The following KIRREL3 variants were observed in gnomAD, a reference collection of about 807,000 sequenced individuals.
KIRREL3 encodes the protein kin of IRRE-like protein 3.
A neutral mutation model predicts 89.7 loss-of-function variants in KIRREL3; 36 were observed. The observed-to-expected ratio is 0.40, with a 90% confidence interval of 0.31 to 0.53. The LOEUF is 0.53. KIRREL3 is among the 20% of genes least tolerant of loss of function. The probability of loss-of-function intolerance (pLI) is 0.49; values close to 1 mark genes in which losing one functional copy is unlikely to be tolerated. For synonymous variants in KIRREL3, 445 were observed against 441.4 expected (o/e 1.01, Z -0.10); for missense variants, 864 against 1,056.6 (o/e 0.82, Z 2.53).
Position 126,619,251 on chromosome 11 carries a change from A to G in KIRREL3, c.56-56339T>C, listed in dbSNP as rs1054316675. Among the ~76,000 whole-genome samples, 8 of 152,222 alleles carry G rather than the reference A, an allele frequency of 5.3e-5. No individual in the cohort carries two copies. In the South Asian group the frequency reaches 1.7e-3, roughly 32 times the overall value. ...GGATTTAAGGCAGAGGAAACAGGAG[A>G]TGCCAAAGCTTTGAGGCCAGACTGA... On this transcript the variant is annotated intron_variant, in intron 1 of 16. Transcript: ENST00000525144.
chr11:126,450,683 G>GT (rs1956038536), intron 7 of KIRREL3, among the ~76,000 whole-genome samples: 1 of 150,558 alleles, frequency 6.6e-6, no homozygotes, highest in African/African-American at 2.5e-5. Context: ...CCATGTGCAT[G>GT]GTGCGTGTGT....
chr11:126,924,784 G>A lies in KIRREL3; in HGVS notation c.55+75671C>T, dbSNP rs1947628266. Among the ~76,000 whole-genome samples the A allele has an allele frequency of 6.6e-6, 1 of 152,120 alleles. No homozygotes were observed. The highest frequency in any genetic ancestry group is 1.5e-5 in the Non-Finnish European group (1 of 68,020). ...GGATGCCTGCTGTGTGCTCATCCCT[G>A]CCCCATCAACACCCTCACCTCAACC... is the stretch of plus-strand genomic sequence containing the variant. On this transcript the variant is annotated intron_variant, in intron 1 of 16. Transcript: ENST00000525144. This position sits in a 1 kb window ranked among gnomAD's most constrained non-coding sequence, Gnocchi z 4.7.
At chr11:126,826,107 C>A (rs1474089602) in intron 1 of KIRREL3, among the ~76,000 whole-genome samples, 3 of 152,114 alleles carry the variant, frequency 2.0e-5, no homozygotes, top group African/African-American at 4.8e-5. Flanking sequence ...TTCCCCACCC[C>A]ATTACGCTTG....
chr11:126,546,512 G>T (rs935570672), intron 2 of KIRREL3, among the ~76,000 whole-genome samples: 2 of 152,186 alleles, frequency 1.3e-5, no homozygotes, highest in African/African-American at 4.8e-5. Flanking sequence ...CAACCTGGGG[G>T]CAGAAGCAAG....
At chr11:126,626,647 G>T (rs1308473438) in intron 1 of KIRREL3, among the ~76,000 whole-genome samples, 1 of 152,162 alleles carries the variant, frequency 6.6e-6, no homozygotes, top group Non-Finnish European at 1.5e-5. Flanking sequence ...AACCGGCCCT[G>T]GTACTGCTCC....
intron 1 of KIRREL3, among the ~76,000 whole-genome samples, chr11:126,735,444 C>G (rs1291894472): frequency 1.3e-5 from 2 of 152,170 alleles, no homozygotes; most frequent in Admixed American, 6.5e-5. Context: ...TCCACCTACT[C>G]TTTGTTGACA....
At position 126,594,279 on chromosome 11, in the gene KIRREL3, G is replaced by A. The variant is rs988565772; in HGVS notation, c.56-31367C>T. ...AAGGGTAGGGCTGGGGGCTGGGTCG[G>A]AGCCACAGGATTCATGGCGTACTGT... On this transcript the variant is annotated intron_variant, in intron 1 of 16. Coordinates refer to ENST00000525144, the MANE Select transcript of KIRREL3 (RefSeq NM_032531.4). This position sits in a 1 kb window ranked among gnomAD's most constrained non-coding sequence, Gnocchi z 5.0. 6.6e-6 allele frequency among the ~76,000 whole-genome samples: 1 copy of A among 151,426 alleles called. No homozygotes were observed. The highest frequency in any genetic ancestry group is 1.5e-5 in the Non-Finnish European group (1 of 67,768).
intron 1 of KIRREL3, among the ~76,000 whole-genome samples, chr11:126,646,981 A>T (rs1944715307): frequency 6.6e-6 from 1 of 152,234 alleles, no homozygotes; most frequent in Non-Finnish European, 1.5e-5. Flanking sequence ...GATTTAAAAG[A>T]GACTTTAATG....
chr11:126,488,678 G>A (rs1015141188), intron 4 of KIRREL3, among the ~76,000 whole-genome samples: 1 of 152,226 alleles, frequency 6.6e-6, no homozygotes, highest in Non-Finnish European at 1.5e-5. Flanking sequence ...TGGAGGCTCC[G>A]TGAGCTGGAG....
Position 126,955,286 on chromosome 11 carries a change from T to A in KIRREL3, c.55+45169A>T, listed in dbSNP as rs1948889203. On this transcript the variant is annotated intron_variant, in intron 1 of 16. Transcript: ENST00000525144. The surrounding 1 kb of genome is among the most constrained non-coding windows in gnomAD (Gnocchi z 4.6). ...GCAAACAGCAATGCTTTGAAAGCAA[T>A]TGACAGAAAGCTGGCTTAATCCTTG... Among the ~76,000 whole-genome samples the A allele has an allele frequency of 6.6e-6, 1 of 152,216 alleles. No individual in the cohort carries two copies. Among genetic ancestry groups the A allele is most frequent in the African/African-American group, 2.4e-5 (1 of 41,460 alleles).
At chr11:126,434,028 G>GA (rs1955230126) in intron 13 of KIRREL3, among the ~76,000 whole-genome samples, 1 of 152,232 alleles carries the variant, frequency 6.6e-6, no homozygotes, top group African/African-American at 2.4e-5. Flanking sequence ...GAGGTGGGCA[G>GA]GGGGAGAGCA....
chr11:126,841,546 G>A (rs1943963131), intron 1 of KIRREL3, among the ~76,000 whole-genome samples: 1 of 152,248 alleles, frequency 6.6e-6, no homozygotes, highest in Non-Finnish European at 1.5e-5. Context: ...TTCGTTTACA[G>A]GTTAGTCTGG....
At chr11:126,878,295 G>C (rs1464378902) in intron 1 of KIRREL3, among the ~76,000 whole-genome samples, 1 of 152,146 alleles carries the variant, frequency 6.6e-6, no homozygotes. Flanking sequence ...TGTGTAGTGA[G>C]AACAGTTGTA....
rs892140241 is a variant in KIRREL3 at position 126,736,646 on chromosome 11, C to T, written c.56-173734G>A. 6.6e-6 allele frequency among the ~76,000 whole-genome samples: 1 copy of T among 152,174 alleles called. No individual in the cohort carries two copies. The highest frequency in any genetic ancestry group is 1.5e-5 in the Non-Finnish European group (1 of 68,030). ...GAGGAGCCCAGGGTGCTGCTAACCA[C>T]TCTGCAATGCACAGGCCAGCCCCCA... On this transcript the variant is annotated intron_variant, in intron 1 of 16. Transcript: ENST00000525144. This position sits in a 1 kb window ranked among gnomAD's most constrained non-coding sequence, Gnocchi z 5.0.
At chr11:126,786,913 A>G (rs1201364906) in intron 1 of KIRREL3, among the ~76,000 whole-genome samples, 1 of 152,208 alleles carries the variant, frequency 6.6e-6, no homozygotes, top group Non-Finnish European at 1.5e-5. Flanking sequence ...AGGACAGGGC[A>G]TAGAGCTGGT....
At chr11:126,658,602 C>G (rs7129619) in intron 1 of KIRREL3, among the ~76,000 whole-genome samples, 60,429 of 152,056 alleles carry the variant, frequency 0.4, 12,458 homozygotes, top group East Asian at 0.58. Context: ...TTTGCCAGCC[C>G]TACATTGCTG....
rs781076730 is a variant in KIRREL3, at chr11:126,642,581, A to G, written c.56-79669T>C. Among the ~76,000 whole-genome samples, 5 of 152,228 alleles carry G rather than the reference A, an allele frequency of 3.3e-5. No homozygotes were observed. Among genetic ancestry groups the G allele is most frequent in the Non-Finnish European group, 5.9e-5 (4 of 68,040 alleles). The stretch of plus-strand genomic sequence containing the variant: ...ACATGTTTGATTTTCTTGGGTGACC[A>G]CCATCTCCAAGAGAACCTCTTAGAA... On this transcript the variant is annotated intron_variant, in intron 1 of 16. Transcript: ENST00000525144. This position sits in a 1 kb window ranked among gnomAD's most constrained non-coding sequence, Gnocchi z 4.9.
chr11:126,855,559 G>A (rs1297535563), intron 1 of KIRREL3, among the ~76,000 whole-genome samples: 1 of 152,148 alleles, frequency 6.6e-6, no homozygotes, highest in Non-Finnish European at 1.5e-5. Context: ...TTTCAAATTT[G>A]CTGTTCTTCC....
At chr11:126,588,352 GA>G (rs1232427739) in intron 1 of KIRREL3, among the ~76,000 whole-genome samples, 1 of 152,158 alleles carries the variant, frequency 6.6e-6, no homozygotes, top group East Asian at 1.9e-4. Context: ...TCCTTGAAGA[GA>G]GGCTTAAATA....
Sources: allele counts gnomAD v4.1 joint callset (sites outside exome capture counted in the v4.1 genomes callset), GRCh38; gene constraint gnomAD v4.1.1; non-coding constraint Gnocchi (gnomAD v3.1); transcripts MANE v1.5; gene names NCBI Gene and HGNC (gene_info 2026-07-23, HGNC 2026-07-21).